The following FRMD6 variants were observed in gnomAD, a reference collection of about 807,000 sequenced individuals.
FRMD6 encodes FERM domain-containing protein 6.
In FRMD6, 37 loss-of-function variants were observed where a neutral mutation model predicts 73.2. The observed-to-expected ratio is 0.51, with a 90% CI of 0.39 to 0.66. The LOEUF is 0.66. Among genes scored for constraint, FRMD6 ranks in the 30% least tolerant of loss-of-function variants. The pLI, the probability that FRMD6 is intolerant of heterozygous loss-of-function variation, is 0.00. For missense variants in FRMD6, 714 were observed against 780.5 expected (o/e 0.91, Z 1.02); for synonymous variants, 273 against 282.2 (o/e 0.97, Z 0.33).
At chr14:51,646,272 C>A (rs906351995) in intron 2 of FRMD6, among the ~76,000 whole-genome samples, 1 of 139,412 alleles carries the variant, frequency 7.2e-6, no homozygotes, top group African/African-American at 2.7e-5. Context: ...GAGCCGAGAT[C>A]GCGCCACTGC....
intron 9 of FRMD6, among the ~76,000 whole-genome samples, 178 bp downstream of exon 9, chr14:51,712,729 A>G (rs1177015205): frequency 6.6e-6 from 1 of 152,216 alleles, no homozygotes; most frequent in East Asian, 1.9e-4. Flanking sequence ...TGTGCTATAG[A>G]TTCTTTGTCA....
At chr14:51,425,939 G>A in the FRMD6 span, among the ~76,000 whole-genome samples, 2 of 152,176 alleles carry the variant, frequency 1.3e-5, no homozygotes, top group Admixed American at 1.3e-4. Context: ...CTGGCACATA[G>A]CAAAAGCACA....
the FRMD6 span, among the ~76,000 whole-genome samples, chr14:51,407,501 C>T: frequency 6.6e-6 from 1 of 151,384 alleles, no homozygotes; most frequent in Non-Finnish European, 1.5e-5. Context: ...TAAAATTTCA[C>T]CAGTTTTATT....
chr14:51,422,748 A>G, the FRMD6 span, among the ~76,000 whole-genome samples: 39 of 152,310 alleles, frequency 2.6e-4, no homozygotes, highest in African/African-American at 9.4e-4. Context: ...ATTCCCGGAG[A>G]AAAGACTTTT....
chr14:51,612,700 G>T (rs774601667), intron 2 of FRMD6, among the ~76,000 whole-genome samples: 4 of 152,098 alleles, frequency 2.6e-5, no homozygotes, highest in African/African-American at 9.7e-5. Flanking sequence ...GACCTCTAAG[G>T]CACCTTCAAA....
At chr14:51,468,627 G>A in the FRMD6 span, among the ~76,000 whole-genome samples, 1 of 152,280 alleles carries the variant, frequency 6.6e-6, no homozygotes, top group Admixed American at 6.5e-5. Flanking sequence ...GAATAGAAGA[G>A]AAGGGAAGTA....
At chr14:51,545,173 C>T (rs1202624663) in intron 1 of FRMD6, among the ~76,000 whole-genome samples, 1 of 151,996 alleles carries the variant, frequency 6.6e-6, no homozygotes, top group Non-Finnish European at 1.5e-5. Context: ...AGTAGAATAG[C>T]TTGGTGTCTG....
chr14:51,458,717 G>A, the FRMD6 span, among the ~76,000 whole-genome samples: 1 of 152,234 alleles, frequency 6.6e-6, no homozygotes, highest in Non-Finnish European at 1.5e-5. Flanking sequence ...GTTGGGGTGA[G>A]CAAAGGGTGA....
the FRMD6 span, among the ~76,000 whole-genome samples, chr14:51,429,019 T>TGAGAGAGAGAGGGGAGAGAGAGGGG: frequency 1.7e-5 from 1 of 60,114 alleles, no homozygotes; most frequent in African/African-American, 6.9e-5. Flanking sequence ...AGAGAGAGGG[T>TGAGAGAGAGAGGGGAGAGAGAGGGG]GGGAGAGAGA....
the FRMD6 span, among the ~76,000 whole-genome samples, chr14:51,481,233 G>A: frequency 2.0e-5 from 3 of 152,110 alleles, no homozygotes; most frequent in Admixed American, 6.5e-5. Context: ...AGATATACCC[G>A]AGACTGGATA....
chr14:51,516,323 C>T (rs1220957283), intron 1 of FRMD6, among the ~76,000 whole-genome samples: 1 of 152,076 alleles, frequency 6.6e-6, no homozygotes, highest in African/African-American at 2.4e-5. Flanking sequence ...AGACATAAGG[C>T]GGGTCCATCC....
At chr14:51,468,868 A>C in the FRMD6 span, among the ~76,000 whole-genome samples, 1 of 152,202 alleles carries the variant, frequency 6.6e-6, no homozygotes, top group Non-Finnish European at 1.5e-5. Flanking sequence ...ACATCTATTG[A>C]AACAGTCATA....
chr14:51,615,273 CTG>C (rs1890666126), intron 2 of FRMD6, among the ~76,000 whole-genome samples: 1 of 152,118 alleles, frequency 6.6e-6, no homozygotes, highest in African/African-American at 2.4e-5. Context: ...ATTTCTAAAA[CTG>C]TATATTAAGA....
chr14:51,628,403 G>T (rs1891194091), intron 2 of FRMD6, among the ~76,000 whole-genome samples: 1 of 152,092 alleles, frequency 6.6e-6, no homozygotes, highest in South Asian at 2.1e-4. Context: ...CCACAATCCA[G>T]TTTGAGAACA....
At chr14:51,641,047 T>C (rs1426862393) in intron 2 of FRMD6, among the ~76,000 whole-genome samples, 1 of 152,130 alleles carries the variant, frequency 6.6e-6, no homozygotes, top group African/African-American at 2.4e-5. Context: ...CTCAGCTCAC[T>C]GCAACCTCCA....
rs535834466 is a variant in FRMD6 at position 51,518,320 on chromosome 14, T to C, written c.-210+28900T>C. On this transcript the variant is annotated intron_variant, in intron 1 of 14. Coordinates refer to the FRMD6 transcript ENST00000356218. ...CACAAAAGAAATGTAGATTTAGATG[T>C]AGACCACCATCCATGGCACCCTGTA... Among the ~76,000 whole-genome samples the C allele has an allele frequency of 7.9e-5, 12 of 152,318 alleles. No individual in the cohort carries two copies. In the South Asian group the frequency reaches 2.3e-3, roughly 29 times the overall value.
chr14:51,416,856 A>G, the FRMD6 span, among the ~76,000 whole-genome samples: 2 of 152,162 alleles, frequency 1.3e-5, no homozygotes, highest in Non-Finnish European at 2.9e-5. Context: ...GTGCATATAT[A>G]TTTAGGATAG....
chr14:51,445,240 C>T, the FRMD6 span, among the ~76,000 whole-genome samples: 91 of 152,192 alleles, frequency 6.0e-4, no homozygotes, highest in African/African-American at 1.9e-3. Flanking sequence ...ATAGGGGCTG[C>T]GACTGGGCCC....
At chr14:51,484,558 C>T (rs1363015320), upstream of FRMD6, among the ~76,000 whole-genome samples, 3 of 152,218 alleles carry the variant, frequency 2.0e-5, no homozygotes, top group Non-Finnish European at 1.5e-5. Context: ...TGGAACCCTG[C>T]TGTAGAGAAG....
Sources: allele counts gnomAD v4.1 joint callset (sites outside exome capture counted in the v4.1 genomes callset), GRCh38; gene constraint gnomAD v4.1.1; transcripts MANE v1.5; gene names NCBI Gene and HGNC (gene_info 2026-07-23, HGNC 2026-07-21).